MARCHF7: variants seen among roughly 807,000 people sequenced by gnomAD.
MARCHF7 encodes the protein E3 ubiquitin-protein ligase MARCHF7.
Under a neutral mutation model 76.5 loss-of-function variants are expected in MARCHF7, and 20 were observed. That is an observed-to-expected ratio of 0.26 (90% CI 0.18 to 0.38). The LOEUF is 0.38. Among genes scored for constraint, MARCHF7 ranks in the 10% least tolerant of loss-of-function variants. The probability of loss-of-function intolerance (pLI) is 1.00; values close to 1 mark genes in which losing one functional copy is unlikely to be tolerated. For missense variants in MARCHF7, 797 were observed against 812.9 expected (o/e 0.98, Z 0.24); for synonymous variants, 295 against 293.0 (o/e 1.01, Z -0.07).
At chr2:159,753,546 A>T (rs1243756657) in intron 8 of MARCHF7, among the ~76,000 whole-genome samples, 1 of 126,884 alleles carries the variant, frequency 7.9e-6, no homozygotes, top group African/African-American at 2.9e-5. Context: ...GCGAGACTCC[A>T]TGTCAAAAAA....
rs947498044 is a variant in MARCHF7, at chr2:159,768,776, T to C, written c.*1434T>C. ...AAATTTAAGGGTGGTAGTTTTAATA[T>C]ATTCTGTGGGTCCTAAGGGATGCTT... On this transcript the variant is annotated 3_prime_UTR_variant, in exon 12 of 12. Coordinates refer to ENST00000409175, the MANE Select transcript of MARCHF7 (RefSeq NM_001282805.2). 1.3e-5 allele frequency: 2 copies of C among 152,248 alleles called. No individual in the cohort carries two copies. Among genetic ancestry groups the C allele is most frequent in the African/African-American group, 4.8e-5 (2 of 41,456 alleles). 9.4% of individuals were successfully genotyped at this position (152,248 alleles called of 1,614,324 possible). A position where few individuals can be genotyped will look rare whatever the true frequency, so the allele number is the denominator to read the frequency against.
intron 4 of MARCHF7, chr2:159,733,463 T>C (rs1190868579): frequency 1.1e-6 from 1 of 905,696 alleles, no homozygotes; most frequent in Non-Finnish European, 1.3e-6. Flanking sequence ...GTCTCGAACT[T>C]AGGAGATCAA....
chr2:159,727,778 C>T (rs927661696), intron 3 of MARCHF7, among the ~76,000 whole-genome samples: 1 of 152,094 alleles, frequency 6.6e-6, no homozygotes, highest in Non-Finnish European at 1.5e-5. Flanking sequence ...ATGAATCTCA[C>T]AAATATAGTG....
At chr2:159,740,194 C>T (rs904542352) in intron 4 of MARCHF7, among the ~76,000 whole-genome samples, 8 of 152,142 alleles carry the variant, frequency 5.3e-5, no homozygotes, top group Non-Finnish European at 8.8e-5. Flanking sequence ...TCATCTATTT[C>T]GTCTTCCACA....
chr2:159,735,321 T>C (rs185718708), intron 4 of MARCHF7, among the ~76,000 whole-genome samples: 64 of 152,358 alleles, frequency 4.2e-4, no homozygotes, highest in African/African-American at 1.4e-3. Context: ...GTGGATAACA[T>C]TGATGTAAAT....
In MARCHF7 at chr2:159,748,143, C is replaced by T. The variant is rs1290081640; in HGVS notation, c.853C>T (p.Arg285Cys). 1.3e-5 allele frequency: 21 copies of T among 1,613,622 alleles called. No homozygotes were observed. The highest frequency in any genetic ancestry group is 1.7e-5 in the Non-Finnish European group (20 of 1,179,886). The change falls in exon 7 of 12, where the codon CGC becomes TGC. Residue 285 changes from arginine (R) to cysteine (C), a missense_variant. Transcript: ENST00000409175. Reference sequence around the variant, plus strand: ...GCGGACAACGAGGAGATTGCTGTCACGCATAGCTTCTAGCATGTCATCTAC... The same window carrying T: ...GCGGACAACGAGGAGATTGCTGTCATGCATAGCTTCTAGCATGTCATCTAC... ...GRRTTRRLLS[R>C]IASSMSSTFF...
intron 6 of MARCHF7, among the ~76,000 whole-genome samples, 162 bp downstream of exon 6, chr2:159,746,099 A>G (rs1560013509): frequency 6.6e-6 from 1 of 152,242 alleles, no homozygotes; most frequent in African/African-American, 2.4e-5. Flanking sequence ...TGACCTTAAA[A>G]AATAATTTAA....
In MARCHF7 at chr2:159,759,272, G is replaced by C; in HGVS notation, c.1830G>C (p.Lys610Asn). 1 of 1,612,314 alleles carries C rather than the reference G, an allele frequency of 6.2e-7. No homozygotes were observed. Among genetic ancestry groups the C allele is most frequent in the Non-Finnish European group, 8.5e-7 (1 of 1,178,712 alleles). Residue 610 changes from lysine to asparagine, a missense_variant, in exon 9 of 12, where the codon AAG (lysine) becomes AAC (asparagine). Physicochemically the swap from Lys to Asn is moderately conservative, Grantham distance 94. Transcript: ENST00000409175. ...CCACCTGTGAACTATGTAAAGAGAA[G>C]TTGGAGCTTAACCTGGAGGATTTTG... The part of the protein sequence containing the change: ...AVTTCELCKE[K>N]LELNLEDFDI...
chr2:159,750,362 T>TA (rs2125621573), intron 7 of MARCHF7, among the ~76,000 whole-genome samples: 1 of 152,234 alleles, frequency 6.6e-6, no homozygotes, highest in Non-Finnish European at 1.5e-5. Context: ...CTGTCTCTAT[T>TA]AAAAATACAA....
At chr2:159,751,891 G>A (rs560095431) in intron 7 of MARCHF7, among the ~76,000 whole-genome samples, 2 of 152,152 alleles carry the variant, frequency 1.3e-5, no homozygotes, top group African/African-American at 4.8e-5. Flanking sequence ...TTTAAACATG[G>A]TTCTGGTAAC....
At chr2:159,746,647 C>T (rs568532160) in intron 6 of MARCHF7, among the ~76,000 whole-genome samples, 3 of 152,256 alleles carry the variant, frequency 2.0e-5, no homozygotes, top group Admixed American at 6.5e-5. Flanking sequence ...GTGATCCAAC[C>T]GCCTCAGCCT....
rs151305208 is a variant in MARCHF7 at position 159,762,114 on chromosome 2, C to A, written c.1894-766C>A. ...TATAGTTCAATAGTGTATAGCCAATCACTAACCAATGTTATTTCTGTAAAC... is the reference window on the plus strand; with the variant it reads ...TATAGTTCAATAGTGTATAGCCAATAACTAACCAATGTTATTTCTGTAAAC... On this transcript the variant is annotated intron_variant, in intron 9 of 11. Coordinates refer to ENST00000409175, the MANE Select transcript of MARCHF7 (RefSeq NM_001282805.2). Among the ~76,000 whole-genome samples, 132 of 152,322 alleles carry A rather than the reference C, an allele frequency of 8.7e-4. No homozygotes were observed. The Middle Eastern group carries it at 0.044, about 51-fold the overall frequency.
chr2:159,755,191 A>C (rs1282956233), intron 8 of MARCHF7, among the ~76,000 whole-genome samples: 2 of 152,180 alleles, frequency 1.3e-5, no homozygotes, highest in African/African-American at 4.8e-5. Context: ...ATTGACATTG[A>C]CGTAAGTAGG....
chr2:159,759,666 C>T (rs553653262), intron 9 of MARCHF7, among the ~76,000 whole-genome samples: 5 of 151,912 alleles, frequency 3.3e-5, no homozygotes, highest in East Asian at 3.9e-4. Flanking sequence ...AAGGAAAATT[C>T]GGGAGGTGGG....
intron 11 of MARCHF7, among the ~76,000 whole-genome samples, chr2:159,766,272 TAG>T (rs1186501813): frequency 2.0e-5 from 3 of 152,170 alleles, no homozygotes; most frequent in Non-Finnish European, 4.4e-5. Flanking sequence ...TTCTCAGTGA[TAG>T]AGCATAAAAC....
At chr2:159,747,745 A>T in intron 6 of MARCHF7, 60 bp from the exon 7 acceptor site, 1 of 1,488,552 alleles carries the variant, frequency 6.7e-7, no homozygotes, top group Admixed American at 2.4e-5. Context: ...CAACATAATA[A>T]ATGCAAATAA....
intron 4 of MARCHF7, among the ~76,000 whole-genome samples, chr2:159,730,904 T>G (rs1702708021): frequency 7.0e-6 from 1 of 142,024 alleles, no homozygotes; most frequent in Non-Finnish European, 1.6e-5. Context: ...TTTGTTTCTT[T>G]TTTTGAGACA....
rs1398214508 is a variant in MARCHF7, at chr2:159,767,315, C to A, written c.2088C>A (p.Asp696Glu). 19 of 1,610,970 alleles carry A rather than the reference C, an allele frequency of 1.2e-5. No individual in the cohort carries two copies. The highest frequency in any genetic ancestry group is 1.5e-5 in the Non-Finnish European group (18 of 1,178,034). Residue 696 changes from aspartate to glutamate, a missense_variant, in exon 12 of 12, where the codon GAC (aspartate) becomes GAA (glutamate). Around this residue, in one of 3 missense-constraint regions of MARCHF7, gnomAD observed 124 missense variants for 121.3 expected, o/e 1.02. Transcript: ENST00000409175. Reference protein sequence around the residue: ...TSEDDSEEDGDHNRTFDIA With the variant: ...TSEDDSEEDGEHNRTFDIA ...AGGATGATTCCGAAGAAGACGGAGA[C>A]CATAACAGGACATTTGATATTGCCT...
In MARCHF7 at chr2:159,769,639, C is replaced by CCGT. The variant is rs1560036704; in HGVS notation, c.*2298_*2299insGTC. The CCGT allele has an allele frequency of 9.6e-6, 1 of 104,592 alleles. No homozygotes were observed. The highest frequency in any genetic ancestry group is 4.8e-5 in the African/African-American group (1 of 20,626). The allele number at this position is 104,592 out of a possible 1,614,324, so 6.5% of individuals were successfully genotyped here. ...GTAGCCTGGGCAGCACAGTGAGACT[C>CCGT]CATCATATATATATATATAGCACTT... is the stretch of plus-strand genomic sequence containing the variant. On this transcript the variant is annotated 3_prime_UTR_variant, in exon 12 of 12. Transcript: ENST00000409175.
Sources: gnomAD v4.1 joint callset for allele counts (sites outside exome capture counted in the v4.1 genomes callset) on GRCh38, gnomAD v4.1.1 for gene constraint, gnomAD v4.1.1 regional missense constraint, MANE v1.5 for transcripts, NCBI Gene and HGNC (gene_info 2026-07-23, HGNC 2026-07-21) for gene names.